SKIL: variants seen among roughly 807,000 people sequenced by gnomAD.
SKIL encodes ski-like protein.
SKIL carries 20 observed loss-of-function variants against 69.6 expected under a neutral mutation model. That is an observed-to-expected ratio of 0.29 (90% CI 0.20 to 0.42). SKIL has a LOEUF of 0.42. Ranked by LOEUF, SKIL falls within the 10% of genes least tolerant of loss-of-function variation. The probability of loss-of-function intolerance (pLI) is 1.00; values close to 1 mark genes in which losing one functional copy is unlikely to be tolerated. For synonymous variants in SKIL, 310 were observed against 279.9 expected (o/e 1.11, Z -1.08); for missense variants, 745 against 783.1 (o/e 0.95, Z 0.58).
At position 170,387,933 on chromosome 3, in the gene SKIL, CAAAAAAAAAAAAA is replaced by C. The variant is rs541166783; in HGVS notation, c.1430-2278_1430-2266del. 2.2e-4 allele frequency among the ~76,000 whole-genome samples: 11 copies of C among 51,088 alleles called. No individual in the cohort carries two copies. The Admixed American group carries it at 3.1e-3, about 14-fold the overall frequency. The allele number at this position is 51,088 out of a possible 152,430, so 33.5% of individuals were successfully genotyped here. A position where few individuals can be genotyped will look rare whatever the true frequency, so the allele number is the denominator to read the frequency against. ...TGGGCGACAGAGCGAGACTCCGTCTCAAAAAAAAAAAAAAAAAAAAAAAAGAATAATGCTGCTA... is the reference window on the plus strand; with the variant it reads ...TGGGCGACAGAGCGAGACTCCGTCTCAAAAAAAAAAAGAATAATGCTGCTA... On this transcript the variant is annotated intron_variant, in intron 4 of 6. Coordinates refer to ENST00000259119, the MANE Select transcript of SKIL (RefSeq NM_005414.5).
At chr3:170,390,539 T>G in intron 5 of SKIL, 75 bp downstream of exon 5, 2 of 1,197,440 alleles carry the variant, frequency 1.7e-6, no homozygotes, top group Non-Finnish European at 1.2e-6. Context: ...CAGGCTGGAG[T>G]GCAGTGGCGC....
At chr3:170,388,550 A>G (rs1227372192) in intron 4 of SKIL, among the ~76,000 whole-genome samples, 3 of 151,722 alleles carry the variant, frequency 2.0e-5, no homozygotes, top group Admixed American at 2.0e-4. Flanking sequence ...CTTTCACCTC[A>G]GCCTCCCAAG....
chr3:170,384,784 T>A lies in SKIL; in HGVS notation c.1429+19T>A. ...CGTTTAGGTAAGTATTCAGAGATTA[T>A]CTTTCTAAAATTAAATATCTAATGA... On this transcript the variant is annotated intron_variant, in intron 4 of 6. Transcript: ENST00000259119. 2 of 1,285,814 alleles carry A rather than the reference T, an allele frequency of 1.6e-6. No homozygotes were observed. The highest frequency in any genetic ancestry group is 2.6e-5 in the South Asian group (2 of 75,570). The allele number at this position is 1,285,814 out of a possible 1,614,324, so 79.7% of individuals were successfully genotyped here.
At position 170,396,436 on chromosome 3, in the gene SKIL, C is replaced by T. The variant is rs1455892593; in HGVS notation, c.*4019C>T. On this transcript the variant is annotated 3_prime_UTR_variant, in exon 7 of 7. Transcript: ENST00000259119. ...AAGCCAACATAGTAGTCTTAAATTA[C>T]TTTTGAATTTCTAATCTGTGAAGGC... The T allele has an allele frequency of 6.6e-6, 1 of 152,072 alleles. No individual in the cohort carries two copies. Among genetic ancestry groups the T allele is most frequent in the Non-Finnish European group, 1.5e-5 (1 of 67,996 alleles). The allele number at this position is 152,072 out of a possible 1,614,324, so 9.4% of individuals were successfully genotyped here.
chr3:170,361,236 C>G lies in SKIL; in HGVS notation c.905C>G (p.Thr302Arg). Residue 302 changes from threonine (T) to arginine (R), a missense_variant, in exon 2 of 7, where the codon ACG (threonine) becomes AGG (arginine). Thr to Arg is a moderately conservative substitution (Grantham distance 71). Transcript: ENST00000259119. ...TGTTGTGGAATGTTTGCACCCCAGA[C>G]GTTTGTGATGCATTCTCACAGATCA... ...LECCGMFAPQ[T>R]FVMHSHRSPD... 1 of 1,614,144 alleles carries G rather than the reference C, an allele frequency of 6.2e-7. No individual in the cohort carries two copies. Among genetic ancestry groups the G allele is most frequent in the Non-Finnish European group, 8.5e-7 (1 of 1,180,018 alleles).
At chr3:170,375,232 C>G (rs1406213242) in intron 2 of SKIL, among the ~76,000 whole-genome samples, 1 of 152,136 alleles carries the variant, frequency 6.6e-6, no homozygotes, top group East Asian at 1.9e-4. Flanking sequence ...CTGACTCTTA[C>G]TGGGTTGGTC....
intron 2 of SKIL, among the ~76,000 whole-genome samples, chr3:170,379,776 T>A (rs557237749): frequency 6.6e-6 from 1 of 152,298 alleles, no homozygotes; most frequent in African/African-American, 2.4e-5. Context: ...CCCGAGTAGC[T>A]GGGATTACAG....
At position 170,396,452 on chromosome 3, in the gene SKIL, C is replaced by A. The variant is rs1039769762; in HGVS notation, c.*4035C>A. 1.3e-5 allele frequency: 2 copies of A among 152,106 alleles called. No homozygotes were observed. The highest frequency in any genetic ancestry group is 4.8e-5 in the African/African-American group (2 of 41,416). 9.4% of individuals were successfully genotyped at this position (152,106 alleles called of 1,614,324 possible). On this transcript the variant is annotated 3_prime_UTR_variant, in exon 7 of 7. Coordinates refer to ENST00000259119, the MANE Select transcript of SKIL (RefSeq NM_005414.5). ...CTTAAATTACTTTTGAATTTCTAATCTGTGAAGGCAGTAAATGAAATATCT... is the reference window on the plus strand; with the variant it reads ...CTTAAATTACTTTTGAATTTCTAATATGTGAAGGCAGTAAATGAAATATCT...
chr3:170,379,619 C>CT (rs2108212307), intron 2 of SKIL, among the ~76,000 whole-genome samples: 1 of 152,106 alleles, frequency 6.6e-6, no homozygotes, highest in East Asian at 1.9e-4. Context: ...ATCATTTATT[C>CT]TTTTTTTCTC....
chr3:170,377,542 CTTTT>C (rs749615295), intron 2 of SKIL, among the ~76,000 whole-genome samples: 3 of 77,350 alleles, frequency 3.9e-5, no homozygotes, highest in African/African-American at 1.1e-4. Context: ...CTCAATAATT[CTTTT>C]TTTTTTTTTT....
At chr3:170,375,045 C>T (rs1231961971) in intron 2 of SKIL, among the ~76,000 whole-genome samples, 1 of 152,196 alleles carries the variant, frequency 6.6e-6, no homozygotes, top group Non-Finnish European at 1.5e-5. Context: ...GTCCCTACTA[C>T]ATGCTAGGCA....
At position 170,395,838 on chromosome 3, in the gene SKIL, A is replaced by C. The variant is rs1374834427; in HGVS notation, c.*3421A>C. ...GTTTCTGTGCTTGGAACTACTTGTT[A>C]ATAGTTTTTATCGAAGCTGTCAGCA... On this transcript the variant is annotated 3_prime_UTR_variant, in exon 7 of 7. Coordinates refer to ENST00000259119, the MANE Select transcript of SKIL (RefSeq NM_005414.5). The C allele has an allele frequency of 6.6e-6, 1 of 152,020 alleles. No individual in the cohort carries two copies. Among genetic ancestry groups the C allele is most frequent in the East Asian group, 1.9e-4 (1 of 5,200 alleles). The allele number at this position is 152,020 out of a possible 1,614,324, so 9.4% of individuals were successfully genotyped here. A position where few individuals can be genotyped will look rare whatever the true frequency, so the allele number is the denominator to read the frequency against.
At chr3:170,363,015 A>G (rs1188699506) in intron 2 of SKIL, among the ~76,000 whole-genome samples, 1 of 151,830 alleles carries the variant, frequency 6.6e-6, no homozygotes, top group African/African-American at 2.4e-5. Context: ...TTAATGTGTA[A>G]TAACAGTTCC....
intron 2 of SKIL, among the ~76,000 whole-genome samples, chr3:170,377,957 C>T (rs1014401081): frequency 5.3e-5 from 8 of 150,934 alleles, no homozygotes; most frequent in South Asian, 2.1e-4. Context: ...GCAATGGCGC[C>T]GTCTCGGCTC....
At chr3:170,367,331 C>T (rs373375403) in intron 2 of SKIL, among the ~76,000 whole-genome samples, 3 of 152,010 alleles carry the variant, frequency 2.0e-5, no homozygotes, top group Non-Finnish European at 2.9e-5. Context: ...AGGATGGTCT[C>T]GATCTCCTGA....
intron 2 of SKIL, among the ~76,000 whole-genome samples, chr3:170,362,369 G>T (rs1736285892): frequency 6.6e-6 from 1 of 151,876 alleles, no homozygotes; most frequent in South Asian, 2.1e-4. Flanking sequence ...CGGATGTGGT[G>T]TCGCACACTT....
At position 170,381,945 on chromosome 3, in the gene SKIL, G is replaced by C. The variant is rs143475629; in HGVS notation, c.1196+604G>C. On this transcript the variant is annotated intron_variant, in intron 3 of 6. Transcript: ENST00000259119. ...AAATGCAAAAAAATTAGCCGGGCCT[G>C]GTGGCGGGCACCTGTAGTCCCAGCT... Among the ~76,000 whole-genome samples, 1,230 of 151,972 alleles carry C rather than the reference G, an allele frequency of 8.1e-3. 20 individuals are homozygous for C. The highest frequency in any genetic ancestry group is 0.029 in the African/African-American group (1,188 of 41,488).
intron 4 of SKIL, among the ~76,000 whole-genome samples, chr3:170,387,807 G>A (rs1162367465): frequency 5.0e-5 from 7 of 140,444 alleles, no homozygotes; most frequent in Non-Finnish European, 1.1e-4. Flanking sequence ...AGTGGCGGGC[G>A]CCTGTAGTCC....
At chr3:170,390,599 G>T (rs1284225593) in intron 5 of SKIL, 135 bp downstream of exon 5, 1 of 684,412 alleles carries the variant, frequency 1.5e-6, no homozygotes, top group African/African-American at 1.8e-5. Flanking sequence ...CAATTCTTCT[G>T]CCTTAGCCTT....
Sources: gnomAD v4.1 joint callset for allele counts (sites outside exome capture counted in the v4.1 genomes callset) on GRCh38, gnomAD v4.1.1 for gene constraint, MANE v1.5 for transcripts, NCBI Gene and HGNC (gene_info 2026-07-23, HGNC 2026-07-21) for gene names.